The following AGAP3 variants were observed in gnomAD, a reference collection of about 807,000 sequenced individuals.
The protein encoded by AGAP3 is ArfGAP with GTPase domain, ankyrin repeat and PH domain 3.
A neutral mutation model predicts 96.9 loss-of-function variants in AGAP3; 24 were observed. The observed-to-expected ratio is 0.25, with a 90% CI of 0.18 to 0.35. The LOEUF (loss-of-function observed/expected upper bound fraction) is 0.35, where lower values mean the gene tolerates loss of function less well. Ranked by LOEUF, AGAP3 falls within the 10% of genes least tolerant of loss-of-function variation. AGAP3 has a pLI of 1.00. For missense variants in AGAP3, 876 were observed against 1,254.2 expected (o/e 0.70, Z 4.55); for synonymous variants, 563 against 536.1 (o/e 1.05, Z -0.69).
At chr7:151,091,332 A>G (rs992862149) in intron 1 of AGAP3, among the ~76,000 whole-genome samples, 1 of 152,242 alleles carries the variant, frequency 6.6e-6, no homozygotes, top group Non-Finnish European at 1.5e-5. Flanking sequence ...CTGGTTGCTT[A>G]TGCAGGACTT....
intron 8 of AGAP3, chr7:151,122,902 A>G (rs1799977951): frequency 2.0e-6 from 3 of 1,512,834 alleles, no homozygotes; most frequent in East Asian, 2.4e-5. Flanking sequence ...TCCCCACTCC[A>G]GAGACCCACG....
At chr7:151,132,555 C>T (rs941805516) in intron 10 of AGAP3, among the ~76,000 whole-genome samples, 2 of 152,208 alleles carry the variant, frequency 1.3e-5, no homozygotes, top group Non-Finnish European at 2.9e-5. Flanking sequence ...GGCTGTCTGC[C>T]TGGGAAGATG....
At chr7:151,127,178 G>A (rs1800213645) in intron 9 of AGAP3, among the ~76,000 whole-genome samples, 1 of 152,194 alleles carries the variant, frequency 6.6e-6, no homozygotes, top group Non-Finnish European at 1.5e-5. Context: ...GGAGGAAGGT[G>A]CAGTTGAATC....
At chr7:151,122,124 C>G (rs1799924148) in intron 8 of AGAP3, among the ~76,000 whole-genome samples, 1 of 152,192 alleles carries the variant, frequency 6.6e-6, no homozygotes, top group Non-Finnish European at 1.5e-5. Context: ...GGGCTGCACC[C>G]CACTCCCCCC....
At chr7:151,126,971 G>T (rs1346616434) in intron 9 of AGAP3, among the ~76,000 whole-genome samples, 1 of 152,210 alleles carries the variant, frequency 6.6e-6, no homozygotes, top group Non-Finnish European at 1.5e-5. Context: ...TGGTGTGGCC[G>T]GAGGAGGAGC....
chr7:151,087,143 G>A, intron 1 of AGAP3, 71 bp downstream of exon 1: 1 of 1,473,082 alleles, frequency 6.8e-7, no homozygotes, highest in Non-Finnish European at 9.3e-7. Flanking sequence ...GGCTCCACAG[G>A]CCGTGCCTGG....
chr7:151,115,196 G>C (rs948660914), intron 1 of AGAP3: 3 of 1,008,298 alleles, frequency 3.0e-6, no homozygotes, highest in Non-Finnish European at 3.5e-6. Context: ...CCGCCGAGGC[G>C]CCGGGCGCGG....
In AGAP3 at chr7:151,096,683, A is replaced by G. The variant is rs369362355; in HGVS notation, c.331+9611A>G. Among the ~76,000 whole-genome samples, 22 of 152,132 alleles carry G rather than the reference A, an allele frequency of 1.4e-4. No individual in the cohort carries two copies. The East Asian group carries it at 1.7e-3, about 12-fold the overall frequency. ...GAGACGAGGTTTCACCGCGTTAGCC[A>G]AGGTAGTCTCGATCTCCTGACCTCG... is the stretch of plus-strand genomic sequence containing the variant. On this transcript the variant is annotated intron_variant, in intron 1 of 17. Coordinates refer to ENST00000397238, the MANE Select transcript of AGAP3 (RefSeq NM_031946.7). The surrounding 1 kb of genome is among the most constrained non-coding windows in gnomAD (Gnocchi z 4.4).
At chr7:151,129,190 C>T (rs1186737432) in intron 10 of AGAP3, among the ~76,000 whole-genome samples, 1 of 152,120 alleles carries the variant, frequency 6.6e-6, no homozygotes, top group Non-Finnish European at 1.5e-5. Flanking sequence ...GGAGTGGCCC[C>T]TGTGCAGCTC....
chr7:151,143,401 G>A lies in AGAP3; in HGVS notation c.2334G>A (p.Leu778=), dbSNP rs762229608. Residue 778 remains leucine, a synonymous_variant, in exon 17 of 18, where the codon CTG becomes CTA. Coordinates refer to ENST00000397238, the MANE Select transcript of AGAP3 (RefSeq NM_031946.7). This position sits in a 1 kb window ranked among gnomAD's most constrained non-coding sequence, Gnocchi z 5.9. Reference sequence around the variant, plus strand: ...AACAGAAGCTCTTCCTGGCCCCACTGCCAAGCTCAGATGTGCCACTGGGGC... The same window carrying A: ...AACAGAAGCTCTTCCTGGCCCCACTACCAAGCTCAGATGTGCCACTGGGGC... ...KYEQKLFLAP[L]PSSDVPLGQQ... 6.2e-7 allele frequency: 1 copy of A among 1,614,190 alleles called. No individual in the cohort carries two copies. Among genetic ancestry groups the A allele is most frequent in the Non-Finnish European group, 8.5e-7 (1 of 1,180,034 alleles).
intron 8 of AGAP3, chr7:151,120,709 C>T (rs1799841213): frequency 8.1e-7 from 1 of 1,227,854 alleles, no homozygotes. Flanking sequence ...CCATCTTTTC[C>T]TGGGCTTCAC....
chr7:151,120,293 G>A, intron 8 of AGAP3, 148 bp downstream of exon 8: 1 of 903,220 alleles, frequency 1.1e-6, no homozygotes, highest in Non-Finnish European at 1.7e-6. Context: ...CGGCTCCCGA[G>A]GGTCCTTGCC....
chr7:151,131,763 T>TC (rs1800412300), intron 10 of AGAP3, among the ~76,000 whole-genome samples: 1 of 151,842 alleles, frequency 6.6e-6, no homozygotes, highest in Non-Finnish European at 1.5e-5. Flanking sequence ...CTGAACAGAG[T>TC]CCCCCCTGCA....
chr7:151,113,979 G>T (rs1799415656), intron 1 of AGAP3, among the ~76,000 whole-genome samples: 1 of 152,236 alleles, frequency 6.6e-6, no homozygotes, highest in African/African-American at 2.4e-5. Context: ...AGCAGCAGGG[G>T]CCTGGAGAGG....
At position 151,088,013 on chromosome 7, in the gene AGAP3, C is replaced by T. The variant is rs181713984; in HGVS notation, c.331+941C>T. On this transcript the variant is annotated intron_variant, in intron 1 of 17. Transcript: ENST00000397238. Reference sequence around the variant, plus strand: ...TCCCCCAGCTCTGTTTGAAAGGGGACGCCCACCGGCAGGTGGTGGGTTTGG... The same window carrying T: ...TCCCCCAGCTCTGTTTGAAAGGGGATGCCCACCGGCAGGTGGTGGGTTTGG... Among the ~76,000 whole-genome samples, 14 of 152,336 alleles carry T rather than the reference C, an allele frequency of 9.2e-5. No homozygotes were observed. The East Asian group carries it at 2.7e-3, about 29-fold the overall frequency.
In AGAP3 at chr7:151,141,612, C is replaced by A; in HGVS notation, c.1805-286C>A. On this transcript the variant is annotated intron_variant, in intron 13 of 17. Coordinates refer to ENST00000397238, the MANE Select transcript of AGAP3 (RefSeq NM_031946.7). This position sits in a 1 kb window ranked among gnomAD's most constrained non-coding sequence, Gnocchi z 4.2. ...ATGCACCCCTCTCTGGTTTCACACC[C>A]ATTCCCGGCAGTGCCAGGGGTGCCA... 2.2e-6 allele frequency: 1 copy of A among 446,134 alleles called. No individual in the cohort carries two copies. The highest frequency in any genetic ancestry group is 4.1e-6 in the Non-Finnish European group (1 of 241,808). 27.6% of individuals were successfully genotyped at this position (446,134 alleles called of 1,614,324 possible).
At chr7:151,121,341 T>TG (rs145627695) in intron 8 of AGAP3, among the ~76,000 whole-genome samples, 2,806 of 151,522 alleles carry the variant, frequency 0.019, 83 homozygotes, top group African/African-American at 0.063. Context: ...CATTAGAGCG[T>TG]GGGGGGGGCC....
At chr7:151,101,892 C>T (rs537461250) in intron 1 of AGAP3, among the ~76,000 whole-genome samples, 2 of 152,260 alleles carry the variant, frequency 1.3e-5, no homozygotes, top group East Asian at 3.9e-4. Context: ...TGGGCCGGTG[C>T]GCCTGGGTGA....
At position 151,086,912 on chromosome 7, in the gene AGAP3, C is replaced by A. The variant is rs761349408; in HGVS notation, c.171C>A (p.Pro57=). The A allele has an allele frequency of 2.6e-6, 4 of 1,537,514 alleles. No individual in the cohort carries two copies. The highest frequency in any genetic ancestry group is 1.4e-5 in the African/African-American group (1 of 70,332). Residue 57 remains proline (P), a synonymous_variant, in exon 1 of 18, where the codon CCC becomes CCA. Transcript: ENST00000397238. The part of the protein sequence containing the change: ...GGPSQQLAGG[P]PQQFALSNSA... ...CCTCGCAGCAGCTGGCCGGCGGGCC[C>A]CCCCAGCAGTTCGCGCTCTCCAACT...
Sources: allele counts gnomAD v4.1 joint callset (sites outside exome capture counted in the v4.1 genomes callset), GRCh38; gene constraint gnomAD v4.1.1; non-coding constraint Gnocchi (gnomAD v3.1); transcripts MANE v1.5; gene names NCBI Gene and HGNC (gene_info 2026-07-23, HGNC 2026-07-21).